SRL: variants seen among roughly 807,000 people sequenced by gnomAD.
SRL encodes sarcalumenin.
SRL carries 23 observed loss-of-function variants against 39.5 expected under a neutral mutation model. The ratio of observed to expected loss-of-function variants is 0.58; its 90% CI spans 0.42 to 0.82. The LOEUF is 0.82. Among genes scored for constraint, SRL ranks in the 40% least tolerant of loss-of-function variants. The probability of loss-of-function intolerance (pLI) is 0.00; values close to 1 mark genes in which losing one functional copy is unlikely to be tolerated. For synonymous variants in SRL, 272 were observed against 237.4 expected, an observed-to-expected ratio of 1.15 and a Z score of -1.34; for missense variants, 592 against 607.8, an observed-to-expected ratio of 0.97 and a Z score of 0.27.
intron 1 of SRL, among the ~76,000 whole-genome samples, chr16:4,219,154 A>C (rs771460488): frequency 8.5e-5 from 13 of 152,242 alleles, no homozygotes; most frequent in Non-Finnish European, 8.8e-5. Flanking sequence ...GGAGGAAACC[A>C]ATGCCCAGAG....
chr16:4,224,466 G>C (rs922046142), intron 1 of SRL, among the ~76,000 whole-genome samples: 18 of 152,280 alleles, frequency 1.2e-4, no homozygotes, highest in Admixed American at 1.2e-3. Flanking sequence ...AGCACTTTGG[G>C]AGGCCGAGAC....
chr16:4,234,656 CCCTGT>C (rs1161458028), intron 1 of SRL, among the ~76,000 whole-genome samples: 24 of 152,222 alleles, frequency 1.6e-4, no homozygotes, highest in Non-Finnish European at 2.9e-5. Context: ...CTGCACCCAC[CCCTGT>C]CACGTCCTAC....
At chr16:4,217,814 C>G (rs2052476990) in intron 1 of SRL, among the ~76,000 whole-genome samples, 1 of 152,226 alleles carries the variant, frequency 6.6e-6, no homozygotes, top group East Asian at 1.9e-4. Context: ...GAGTGGGCCA[C>G]AGCAGAGCCA....
intron 4 of SRL, among the ~76,000 whole-genome samples, chr16:4,196,219 C>T (rs2052140018): frequency 1.3e-5 from 2 of 152,054 alleles, no homozygotes; most frequent in African/African-American, 2.4e-5. Context: ...CTTGGCCTCC[C>T]GAAGTGCTGG....
chr16:4,216,028 C>G (rs1162350032), intron 1 of SRL, among the ~76,000 whole-genome samples: 1 of 151,078 alleles, frequency 6.6e-6, no homozygotes. Flanking sequence ...AGAGGGAGAC[C>G]CTGTCTCAAA....
At chr16:4,213,457 T>C (rs1399279296) in intron 1 of SRL, among the ~76,000 whole-genome samples, 1 of 142,612 alleles carries the variant, frequency 7.0e-6, no homozygotes, top group Admixed American at 7.2e-5. Flanking sequence ...TCGCCCAGGT[T>C]GGGGTTCAAT....
At chr16:4,199,817 C>T (rs1313255818) in intron 3 of SRL, among the ~76,000 whole-genome samples, 2 of 151,624 alleles carry the variant, frequency 1.3e-5, no homozygotes, top group African/African-American at 4.9e-5. Context: ...CTGCCTCAGC[C>T]TCCCAAGCAG....
At chr16:4,238,289 C>A (rs1477486131) in intron 1 of SRL, among the ~76,000 whole-genome samples, 1 of 152,156 alleles carries the variant, frequency 6.6e-6, no homozygotes, top group African/African-American at 2.4e-5. Context: ...CTGCCTCATT[C>A]CAGCCAGGAT....
At chr16:4,229,782 TA>T (rs2052639164) in intron 1 of SRL, among the ~76,000 whole-genome samples, 1 of 152,080 alleles carries the variant, frequency 6.6e-6, no homozygotes, top group Admixed American at 6.6e-5. Context: ...GAATCTAAAA[TA>T]AAGTTCACTC....
At chr16:4,202,579 C>T (rs7205656) in intron 3 of SRL, among the ~76,000 whole-genome samples, 11,154 of 148,214 alleles carry the variant, frequency 0.075, 1,422 homozygotes, top group African/African-American at 0.26. Flanking sequence ...AGTGACAGAG[C>T]GAGACTCCAT....
intron 1 of SRL, among the ~76,000 whole-genome samples, chr16:4,205,734 A>AG (rs879646637): frequency 2.0e-5 from 3 of 152,130 alleles, no homozygotes; most frequent in African/African-American, 4.8e-5. Flanking sequence ...GACCTTCCAC[A>AG]GGGCTTTGGG....
rs1380445468 is a variant in SRL at position 4,192,786 on chromosome 16, T to G, written c.789A>C (p.Gln263His). Residue 263 changes from glutamine to histidine, a missense_variant, in exon 6 of 6, where the codon CAA (glutamine) becomes CAC (histidine). Physicochemically the swap from Gln to His is conservative, Grantham distance 24. Coordinates refer to ENST00000399609, the MANE Select transcript of SRL (RefSeq NM_001098814.2). This position sits in a 1 kb window ranked among gnomAD's most constrained non-coding sequence, Gnocchi z 4.0. ...ILNKADNLAT[Q>H]MLMRVYGALF... ...GGGCCCCGTAAACCCGCATGAGCAT[T>G]TGGGTGGCCAGATTGTCAGCCTTGT... is the stretch of plus-strand genomic sequence containing the variant. The G allele has an allele frequency of 1.2e-6, 2 of 1,614,012 alleles. No homozygotes were observed. The highest frequency in any genetic ancestry group is 1.3e-5 in the African/African-American group (1 of 74,894).
chr16:4,225,830 G>A (rs766069226), intron 1 of SRL, among the ~76,000 whole-genome samples: 5 of 151,812 alleles, frequency 3.3e-5, no homozygotes, highest in Admixed American at 6.6e-5. Flanking sequence ...CACTCCCTCC[G>A]GTGGCTCCCA....
intron 3 of SRL, 58 bp downstream of exon 3, chr16:4,203,108 C>A (rs1311019519): frequency 9.3e-6 from 14 of 1,510,058 alleles, no homozygotes; most frequent in Non-Finnish European, 1.3e-5. Context: ...TGTGGCCCCG[C>A]CGACAGGCCT....
chr16:4,195,468 G>T, intron 5 of SRL, 85 bp downstream of exon 5: 1 of 1,344,140 alleles, frequency 7.4e-7, no homozygotes, highest in Non-Finnish European at 1.0e-6. Flanking sequence ...AAAGAGTTGG[G>T]ATCACAGGCA....
chr16:4,192,722 G>C lies in SRL; in HGVS notation c.853C>G (p.Pro285Ala). The change falls in exon 6 of 6, where the codon CCC becomes GCC. Residue 285 changes from proline to alanine, a missense_variant. By Grantham distance (27) the Pro-to-Ala change is conservative (BLOSUM62 -1). Coordinates refer to ENST00000399609, the MANE Select transcript of SRL (RefSeq NM_001098814.2). This position sits in a 1 kb window ranked among gnomAD's most constrained non-coding sequence, Gnocchi z 4.0. Reference sequence around the variant, plus strand: ...AAGGAGCTGACGTAAACCCTTGGGGGCTCTGTGACATTGATGAGAGGGGCC... The same window carrying C: ...AAGGAGCTGACGTAAACCCTTGGGGCCTCTGTGACATTGATGAGAGGGGCC... ...SLAPLINVTE[P>A]PRVYVSSFWP... 6.2e-7 allele frequency: 1 copy of C among 1,614,170 alleles called. No homozygotes were observed. Among genetic ancestry groups the C allele is most frequent in the Non-Finnish European group, 8.5e-7 (1 of 1,180,030 alleles).
intron 1 of SRL, among the ~76,000 whole-genome samples, chr16:4,223,001 G>A (rs540831617): frequency 2.0e-5 from 3 of 151,812 alleles, no homozygotes; most frequent in East Asian, 1.9e-4. Context: ...AGGCTGAGGC[G>A]GGAAGATCAC....
intron 1 of SRL, among the ~76,000 whole-genome samples, chr16:4,240,534 C>T (rs879392005): frequency 2.6e-5 from 4 of 152,122 alleles, no homozygotes; most frequent in Admixed American, 2.6e-4. Context: ...GGCAGACGCA[C>T]GCTGTGGGAC....
intron 3 of SRL, among the ~76,000 whole-genome samples, chr16:4,200,804 G>T (rs756591029): frequency 2.0e-5 from 3 of 152,202 alleles, no homozygotes; most frequent in Non-Finnish European, 4.4e-5. Flanking sequence ...AACCCAGCAC[G>T]TCTCTGGGCC....
Sources: gnomAD v4.1 joint callset for allele counts (sites outside exome capture counted in the v4.1 genomes callset) on GRCh38, gnomAD v4.1.1 for gene constraint, Gnocchi (gnomAD v3.1) non-coding constraint, MANE v1.5 for transcripts, NCBI Gene and HGNC (gene_info 2026-07-23, HGNC 2026-07-21) for gene names.